The following ATRNL1 variants were observed in gnomAD, a reference collection of about 807,000 sequenced individuals.
ATRNL1 encodes the protein attractin-like protein 1.
In ATRNL1, 95 loss-of-function variants were observed where a neutral mutation model predicts 182.7. That is an observed-to-expected ratio of 0.52 (90% confidence interval 0.44 to 0.62). The LOEUF is 0.62. Among genes scored for constraint, ATRNL1 ranks in the 20% least tolerant of loss-of-function variants. The pLI, the probability that ATRNL1 is intolerant of heterozygous loss-of-function variation, is 0.00. For missense variants in ATRNL1, 1,471 were observed against 1,679.5 expected (o/e 0.88, Z 2.17); for synonymous variants, 576 against 568.3 (o/e 1.01, Z -0.19).
At chr10:115,693,615 G>T (rs1946461603) in intron 26 of ATRNL1, among the ~76,000 whole-genome samples, 1 of 152,064 alleles carries the variant, frequency 6.6e-6, no homozygotes, top group African/African-American at 2.4e-5. Context: ...TTTCCTTAAA[G>T]AAACCCAGAT....
chr10:115,596,346 T>C (rs1012882751), intron 26 of ATRNL1, among the ~76,000 whole-genome samples: 1 of 152,196 alleles, frequency 6.6e-6, no homozygotes, highest in Non-Finnish European at 1.5e-5. Flanking sequence ...CCTCAAGGGA[T>C]CCACCTGCCT....
intron 8 of ATRNL1, among the ~76,000 whole-genome samples, chr10:115,215,062 T>C (rs1161738506): frequency 1.3e-5 from 2 of 152,186 alleles, no homozygotes; most frequent in African/African-American, 4.8e-5. Context: ...GTAATTGCCT[T>C]CCTGTTCCTG....
At chr10:115,799,668 G>A (rs1037078528) in intron 27 of ATRNL1, among the ~76,000 whole-genome samples, 1 of 152,182 alleles carries the variant, frequency 6.6e-6, no homozygotes, top group African/African-American at 2.4e-5. Flanking sequence ...GGTGAAATTT[G>A]CATCAAATAG....
intron 10 of ATRNL1, among the ~76,000 whole-genome samples, chr10:115,244,796 C>T (rs1440185297): frequency 6.6e-6 from 1 of 152,100 alleles, no homozygotes; most frequent in Admixed American, 6.5e-5. Context: ...TTAGAATTCA[C>T]ACAGAATTCT....
chr10:115,721,039 A>G (rs893321262), intron 26 of ATRNL1, among the ~76,000 whole-genome samples: 14 of 152,218 alleles, frequency 9.2e-5, no homozygotes, highest in African/African-American at 2.7e-4. Flanking sequence ...TAATTAAAGT[A>G]TCATCTATTA....
intron 21 of ATRNL1, among the ~76,000 whole-genome samples, chr10:115,431,412 AAAAAAAAG>A (rs1281590688): frequency 6.6e-6 from 1 of 151,832 alleles, no homozygotes; most frequent in African/African-American, 2.4e-5. Context: ...AAAAAAAAAA[AAAAAAAAG>A]AAAAGAAAAG....
chr10:115,681,614 A>T (rs2532723), intron 26 of ATRNL1, among the ~76,000 whole-genome samples: 2 of 152,038 alleles, frequency 1.3e-5, no homozygotes, highest in African/African-American at 4.8e-5. Flanking sequence ...GAACCATCTC[A>T]AGAGTGTATT....
intron 10 of ATRNL1, among the ~76,000 whole-genome samples, chr10:115,256,157 G>A (rs1384108512): frequency 2.6e-5 from 4 of 152,200 alleles, no homozygotes; most frequent in African/African-American, 9.7e-5. Flanking sequence ...CTCATAAAAT[G>A]AGTTAGGGAG....
chr10:115,490,728 G>C (rs1434364291), intron 24 of ATRNL1, among the ~76,000 whole-genome samples: 1 of 152,116 alleles, frequency 6.6e-6, no homozygotes, highest in Non-Finnish European at 1.5e-5. Flanking sequence ...GCCTACTTCT[G>C]TCAGTTTGTC....
intron 27 of ATRNL1, among the ~76,000 whole-genome samples, chr10:115,782,117 T>C (rs1555079455): frequency 6.6e-6 from 1 of 152,220 alleles, no homozygotes; most frequent in African/African-American, 2.4e-5. Context: ...TTTAAGTGTC[T>C]TTACGCTATT....
chr10:115,140,079 A>G (rs925805801), intron 5 of ATRNL1, among the ~76,000 whole-genome samples: 2 of 152,230 alleles, frequency 1.3e-5, no homozygotes, highest in African/African-American at 4.8e-5. Context: ...TAGGTACTGC[A>G]TGCTACAGGA....
At chr10:115,874,226 A>G (rs567989541) in intron 28 of ATRNL1, among the ~76,000 whole-genome samples, 103 of 152,232 alleles carry the variant, frequency 6.8e-4, no homozygotes, top group African/African-American at 2.2e-3. Flanking sequence ...AGAAAGCAGC[A>G]TCCATAGCTG....
chr10:115,178,610 G>A (rs1160951979), intron 8 of ATRNL1, among the ~76,000 whole-genome samples: 5 of 152,116 alleles, frequency 3.3e-5, no homozygotes, highest in Non-Finnish European at 7.4e-5. Flanking sequence ...GTATTAAGAG[G>A]TGGGGCTTTT....
chr10:115,170,243 T>A (rs1196195599), intron 7 of ATRNL1, among the ~76,000 whole-genome samples: 1 of 152,156 alleles, frequency 6.6e-6, no homozygotes, highest in Non-Finnish European at 1.5e-5. Flanking sequence ...CACTGTTAGG[T>A]ATAATGTTAG....
chr10:115,590,559 A>G (rs1407907622), intron 26 of ATRNL1, among the ~76,000 whole-genome samples: 1 of 152,196 alleles, frequency 6.6e-6, no homozygotes, highest in Admixed American at 6.5e-5. Flanking sequence ...AATGAATATT[A>G]ATAAAATCTA....
intron 7 of ATRNL1, among the ~76,000 whole-genome samples, chr10:115,166,044 G>T (rs1847024235): frequency 6.6e-6 from 1 of 152,012 alleles, no homozygotes; most frequent in African/African-American, 2.4e-5. Context: ...CAAAACTGAA[G>T]CAATAACTTC....
chr10:115,467,141 G>GT lies in ATRNL1; in HGVS notation c.3418-27dup, dbSNP rs1848089338. The GT allele has an allele frequency of 4.1e-6, 6 of 1,467,492 alleles. No individual in the cohort carries two copies. The East Asian group carries it at 1.4e-4, about 34-fold the overall frequency. The allele number at this position is 1,467,492 out of a possible 1,614,324, so 90.9% of individuals were successfully genotyped here. A position where few individuals can be genotyped will look rare whatever the true frequency, so the allele number is the denominator to read the frequency against. On this transcript the variant is annotated intron_variant, in intron 22 of 28. Transcript: ENST00000355044. ...ATCATATATATCTAGTGTAATTTTC[G>GT]TTTTTTAACCTTAATATTTTCTTTT... is the stretch of plus-strand genomic sequence containing the variant.
chr10:115,812,030 A>G (rs1023486099), intron 27 of ATRNL1, among the ~76,000 whole-genome samples: 107 of 152,240 alleles, frequency 7.0e-4, no homozygotes, highest in African/African-American at 2.3e-3. Flanking sequence ...AAAATTTACT[A>G]TCTTCATTCT....
At chr10:115,242,908 A>G (rs560235474) in intron 10 of ATRNL1, among the ~76,000 whole-genome samples, 1 of 152,064 alleles carries the variant, frequency 6.6e-6, no homozygotes, top group Non-Finnish European at 1.5e-5. Flanking sequence ...AGGCTCATGA[A>G]TCATTGTTTG....
Sources: allele counts gnomAD v4.1 joint callset (sites outside exome capture counted in the v4.1 genomes callset), GRCh38; gene constraint gnomAD v4.1.1; transcripts MANE v1.5; gene names NCBI Gene and HGNC (gene_info 2026-07-23, HGNC 2026-07-21).